ZNF226: variants seen among roughly 807,000 people sequenced by gnomAD.
ZNF226 encodes the protein zinc finger protein 226, also known as Kruppel-associated box protein.
In ZNF226, 6 loss-of-function variants were observed where a neutral mutation model predicts 11.4. That is an observed-to-expected ratio of 0.53 (90% CI 0.29 to 1.04). The LOEUF (loss-of-function observed/expected upper bound fraction) is 1.04, where lower values mean the gene tolerates loss of function less well. Ranked by LOEUF, ZNF226 falls within the 50% of genes least tolerant of loss-of-function variation. The pLI is 0.08. For synonymous variants in ZNF226, 350 were observed against 322.8 expected, an observed-to-expected ratio of 1.08 and a Z score of -0.90; for missense variants, 1,058 against 956.5, an observed-to-expected ratio of 1.11 and a Z score of -1.40.
downstream of ZNF226, chr19:44,177,722 T>G (rs10409643): frequency 0.012 from 17,882 of 1,516,776 alleles, 546 homozygotes; most frequent in African/African-American, 0.11. Context: ...TTATCAAGTC[T>G]CAAAGTCAGT....
chr19:44,181,725 A>G (rs1970909332), downstream of ZNF226, among the ~76,000 whole-genome samples: 1 of 152,142 alleles, frequency 6.6e-6, no homozygotes, highest in Non-Finnish European at 1.5e-5. Context: ...TGCCGTTAGA[A>G]GGAGCCCTTC....
In ZNF226 at chr19:44,175,905, C is replaced by A. The variant is rs1375673120; in HGVS notation, c.643C>A (p.His215Asn). Residue 215 changes from histidine (H) to asparagine (N), a missense_variant, in exon 6 of 6, where the codon CAT (histidine) becomes AAT (asparagine). His to Asn is a moderately conservative substitution (Grantham distance 68, BLOSUM62 1). Transcript: ENST00000337433. Reference protein sequence around the residue: ...PIGWISHHDGHRVHKSEKSYR... With the variant: ...PIGWISHHDGNRVHKSEKSYR... Reference sequence around the variant, plus strand: ...CGGTTGGATTTCACATCATGATGGTCATAGAGTACACAAAAGTGAAAAATC... The same window carrying A: ...CGGTTGGATTTCACATCATGATGGTAATAGAGTACACAAAAGTGAAAAATC... 2 of 1,613,192 alleles carry A rather than the reference C, an allele frequency of 1.2e-6. No homozygotes were observed. The highest frequency in any genetic ancestry group is 1.1e-5 in the South Asian group (1 of 90,902).
At chr19:44,171,980 A>G (rs1970148253) in intron 3 of ZNF226, 108 bp from the exon 4 acceptor site, 1 of 1,461,048 alleles carries the variant, frequency 6.8e-7, no homozygotes, top group Non-Finnish European at 9.4e-7. Context: ...AGGGCTGGGA[A>G]ATCTACAAAC....
chr19:44,187,109 C>A, the ZNF226 span, among the ~76,000 whole-genome samples: 4 of 151,924 alleles, frequency 2.6e-5, no homozygotes, highest in Non-Finnish European at 5.9e-5. This position sits in a 1 kb window ranked among gnomAD's most constrained non-coding sequence, Gnocchi z 4.0. Flanking sequence ...CTTTTGGTAT[C>A]AGGTTAATGA....
chr19:44,180,268 C>G (rs117759341), downstream of ZNF226, among the ~76,000 whole-genome samples: 960 of 152,146 alleles, frequency 6.3e-3, 6 homozygotes, highest in Admixed American at 0.013. Context: ...TAAGCAGGAT[C>G]GAATACCATT....
the ZNF226 span, among the ~76,000 whole-genome samples, chr19:44,192,014 A>T: frequency 1.3e-5 from 2 of 152,338 alleles, no homozygotes; most frequent in Admixed American, 1.3e-4. Flanking sequence ...ACACTGGAAG[A>T]GTGTGTATCC....
chr19:44,193,732 C>T, the ZNF226 span, among the ~76,000 whole-genome samples: 5 of 152,298 alleles, frequency 3.3e-5, no homozygotes, highest in Admixed American at 3.3e-4. Flanking sequence ...AGCTTAGAAG[C>T]CCGTACATGT....
intron 5 of ZNF226, chr19:44,174,299 C>T (rs746045617): frequency 1.3e-5 from 2 of 152,074 alleles, no homozygotes; most frequent in Non-Finnish European, 2.9e-5. Flanking sequence ...CATATTCATT[C>T]GGGGAGGGAA....
chr19:44,178,192 T>G (rs1391725708), downstream of ZNF226: 1 of 155,560 alleles, frequency 6.4e-6, no homozygotes, highest in African/African-American at 2.4e-5. Context: ...GTCTTGTGAT[T>G]AGATCCTGTC....
In ZNF226 at chr19:44,177,094, G is replaced by T. The variant is rs368637456; in HGVS notation, c.1832G>T (p.Gly611Val). 3.7e-6 allele frequency: 6 copies of T among 1,613,864 alleles called. No individual in the cohort carries two copies. The highest frequency in any genetic ancestry group is 5.1e-6 in the Non-Finnish European group (6 of 1,179,986). ...AAAATTCACTGTAGGATCCACACAG[G>T]AGAGAAACCATATAATTGTGAGGAG... ...DLKIHCRIHT[G>V]EKPYNCEECG... is the part of the protein sequence containing the mutation. Residue 611 changes from glycine to valine, a missense_variant, in exon 6 of 6, where the codon GGA becomes GTA. Gly to Val is a moderately radical substitution (Grantham distance 109). Transcript: ENST00000337433.
At chr19:44,167,074 T>C (rs1969468574) in intron 2 of ZNF226, among the ~76,000 whole-genome samples, 1 of 152,104 alleles carries the variant, frequency 6.6e-6, no homozygotes, top group Admixed American at 6.6e-5. Flanking sequence ...AACCATGACA[T>C]GAGTAGAAGG....
At chr19:44,182,356 TACAC>T (rs34630350), downstream of ZNF226, among the ~76,000 whole-genome samples, 262 of 151,266 alleles carry the variant, frequency 1.7e-3, no homozygotes, top group Middle Eastern at 3.4e-3. Context: ...CGCGCGTGCA[TACAC>T]ACACACACAC....
intron 3 of ZNF226, 61 bp from the exon 4 acceptor site, chr19:44,172,027 G>A: frequency 1.8e-5 from 29 of 1,588,578 alleles, no homozygotes; most frequent in Non-Finnish European, 2.1e-5. Flanking sequence ...CCTGTTCTCA[G>A]TGTTACCCAT....
the ZNF226 span, among the ~76,000 whole-genome samples, chr19:44,192,353 C>A: frequency 8.1e-3 from 1,234 of 152,192 alleles, 17 homozygotes; most frequent in African/African-American, 0.028. Context: ...GAGAGAGTTA[C>A]AGGAGCTGAC....
At chr19:44,182,725 C>T (rs1456742505), downstream of ZNF226, among the ~76,000 whole-genome samples, 5 of 152,018 alleles carry the variant, frequency 3.3e-5, no homozygotes, top group Non-Finnish European at 7.4e-5. Context: ...ATGATGGGAT[C>T]CTGGAGCATT....
chr19:44,178,076 T>G (rs901037140), downstream of ZNF226: 3 of 163,064 alleles, frequency 1.8e-5, no homozygotes, highest in African/African-American at 7.2e-5. Context: ...ATATCATGAA[T>G]TTGTAAACAG....
chr19:44,171,640 G>A (rs190800560), intron 3 of ZNF226, among the ~76,000 whole-genome samples: 1 of 152,226 alleles, frequency 6.6e-6, no homozygotes, highest in East Asian at 1.9e-4. Flanking sequence ...TCCGGGATCA[G>A]TGTATTATAT....
chr19:44,177,625 G>T lies in ZNF226; in HGVS notation c.2363G>T (p.Gly788Val). The stretch of plus-strand genomic sequence containing the variant: ...GATAAATCCTATAAAAGTAATAGGG[G>T]TGGTAAGAACATCAGAGAATCCACA... Reference protein sequence around the residue: ...VGDKSYKSNRGGKNIRESTQE... With the variant: ...VGDKSYKSNRVGKNIRESTQE... Residue 788 changes from glycine (G) to valine (V), a missense_variant, in exon 6 of 6, where the codon GGT (glycine) becomes GTT (valine). Gly to Val is a moderately radical substitution (Grantham distance 109, BLOSUM62 -3). Transcript: ENST00000337433. The T allele has an allele frequency of 1.9e-6, 3 of 1,611,868 alleles. No individual in the cohort carries two copies. Among genetic ancestry groups the T allele is most frequent in the Non-Finnish European group, 2.5e-6 (3 of 1,179,014 alleles).
At chr19:44,169,891 G>A (rs1297225871) in intron 2 of ZNF226, 144 bp from the exon 3 acceptor site, 1 of 493,006 alleles carries the variant, frequency 2.0e-6, no homozygotes, top group Admixed American at 3.4e-5. Flanking sequence ...TGGATATCTG[G>A]GATCCATGTC....
Sources: gnomAD v4.1 joint callset for allele counts (sites outside exome capture counted in the v4.1 genomes callset) on GRCh38, gnomAD v4.1.1 for gene constraint, Gnocchi (gnomAD v3.1) non-coding constraint, MANE v1.5 for transcripts, NCBI Gene and HGNC (gene_info 2026-07-23, HGNC 2026-07-21) for gene names.